PRDM16: variants seen among roughly 807,000 people sequenced by gnomAD.
The protein encoded by PRDM16 is PR/SET domain 16, also known as histone-lysine N-methyltransferase PRDM16.
In PRDM16, 23 loss-of-function variants were observed where a neutral mutation model predicts 110.6. That is an observed-to-expected ratio of 0.21 (90% confidence interval 0.15 to 0.29). The LOEUF (loss-of-function observed/expected upper bound fraction) is 0.29. Ranked by LOEUF, PRDM16 falls within the 10% of genes least tolerant of loss-of-function variation. The pLI, the probability that PRDM16 is intolerant of heterozygous loss-of-function variation, is 1.00. For synonymous variants in PRDM16, 799 were observed against 781.8 expected, an observed-to-expected ratio of 1.02 and a Z score of -0.37; for missense variants, 1,615 against 1,794.3, an observed-to-expected ratio of 0.90 and a Z score of 1.81.
chr1:3,385,114 G>C, intron 3 of PRDM16, 38 bp from the exon 4 acceptor site: 1 of 1,611,978 alleles, frequency 6.2e-7, no homozygotes, highest in Non-Finnish European at 8.5e-7. Context: ...CCAGCACACA[G>C]GGCACCTCTG....
chr1:3,422,344 TAGAC>T (rs1460074792), intron 12 of PRDM16, among the ~76,000 whole-genome samples: 8 of 147,364 alleles, frequency 5.4e-5, no homozygotes, highest in East Asian at 2.1e-4. Flanking sequence ...GGAAGGCAGA[TAGAC>T]AGACTGGCAA....
intron 3 of PRDM16, among the ~76,000 whole-genome samples, chr1:3,277,767 G>A (rs12097607): frequency 0.016 from 2,147 of 136,938 alleles, 40 homozygotes; most frequent in African/African-American, 0.064. Flanking sequence ...GCACACACGC[G>A]CACACACACG....
chr1:3,143,355 C>T lies in PRDM16; in HGVS notation c.38-42770C>T, dbSNP rs907753648. Among the ~76,000 whole-genome samples the T allele has an allele frequency of 6.6e-6, 1 of 152,228 alleles. No individual in the cohort carries two copies. Among genetic ancestry groups the T allele is most frequent in the Admixed American group, 6.5e-5 (1 of 15,290 alleles). ...GACCCTCAGGCAGTAGGGCTCCAAG[C>T]ACCAGCCCCTCGCCCCAGTCCCAGC... On this transcript the variant is annotated intron_variant, in intron 1 of 16. Transcript: ENST00000270722. The surrounding 1 kb of genome is among the most constrained non-coding windows in gnomAD (Gnocchi z 4.5).
intron 1 of PRDM16, among the ~76,000 whole-genome samples, chr1:3,160,128 C>G (rs1243159654): frequency 3.3e-5 from 5 of 152,230 alleles, no homozygotes; most frequent in Non-Finnish European, 7.3e-5. Context: ...TTCTGAGCTC[C>G]CGCAGCCAGA....
intron 3 of PRDM16, among the ~76,000 whole-genome samples, chr1:3,330,275 A>G (rs60965469): frequency 0.1 from 15,800 of 152,276 alleles, 1,041 homozygotes; most frequent in East Asian, 0.31. Flanking sequence ...TGGCTGGCAG[A>G]CAGAGCAGGA....
chr1:3,400,980 T>G (rs1488298438), intron 5 of PRDM16, among the ~76,000 whole-genome samples: 1 of 151,900 alleles, frequency 6.6e-6, no homozygotes, highest in Non-Finnish European at 1.5e-5. Flanking sequence ...AAGGGGTGGG[T>G]GGGTGCGTGC....
At chr1:3,335,178 C>T (rs1056528127) in intron 3 of PRDM16, among the ~76,000 whole-genome samples, 2 of 152,246 alleles carry the variant, frequency 1.3e-5, no homozygotes, top group Non-Finnish European at 2.9e-5. Context: ...CTGCCCTGCA[C>T]AGCCCCAGCG....
intron 1 of PRDM16, among the ~76,000 whole-genome samples, chr1:3,070,861 C>G (rs1570191856): frequency 1.3e-5 from 2 of 152,236 alleles, no homozygotes; most frequent in East Asian, 1.9e-4. Flanking sequence ...GTTCCCGGCC[C>G]CTGGGTGAGG....
intron 10 of PRDM16, 109 bp from the exon 11 acceptor site, chr1:3,417,719 C>A: frequency 1.1e-6 from 1 of 942,898 alleles, no homozygotes; most frequent in Non-Finnish European, 1.7e-6. Context: ...TTCCAGTGCC[C>A]ACCTGAGCAC....
At chr1:3,318,793 A>G (rs1167941024) in intron 3 of PRDM16, among the ~76,000 whole-genome samples, 1 of 152,222 alleles carries the variant, frequency 6.6e-6, no homozygotes, top group Non-Finnish European at 1.5e-5. Flanking sequence ...AGGCATGCCA[A>G]AAAGGAGGGC....
At chr1:3,272,021 G>T (rs1015577662) in intron 3 of PRDM16, among the ~76,000 whole-genome samples, 3 of 152,196 alleles carry the variant, frequency 2.0e-5, no homozygotes, top group Admixed American at 6.5e-5. Flanking sequence ...TGTCTACCAG[G>T]GGCTGCCTGG....
intron 2 of PRDM16, among the ~76,000 whole-genome samples, chr1:3,236,623 C>T (rs78983274): frequency 0.018 from 2,752 of 152,300 alleles, 86 homozygotes; most frequent in African/African-American, 0.063. Context: ...TATCTTCAGG[C>T]TTCCCTGGGA....
chr1:3,260,328 T>G (rs944961350), intron 3 of PRDM16, among the ~76,000 whole-genome samples: 5 of 152,056 alleles, frequency 3.3e-5, no homozygotes, highest in African/African-American at 1.2e-4. Flanking sequence ...CGAGCCCCCA[T>G]GAGGGTCTGT....
At chr1:3,118,215 A>ACACACACGTG (rs1007732926) in intron 1 of PRDM16, among the ~76,000 whole-genome samples, 5 of 151,818 alleles carry the variant, frequency 3.3e-5, no homozygotes, top group Non-Finnish European at 1.5e-5. Context: ...ACACACGCAC[A>ACACACACGTG]CACACACGTG....
intron 1 of PRDM16, among the ~76,000 whole-genome samples, chr1:3,182,634 G>A (rs770573779): frequency 6.6e-6 from 1 of 152,146 alleles, no homozygotes; most frequent in Non-Finnish European, 1.5e-5. Flanking sequence ...GGGGCAATGC[G>A]AGGGGCAGAG....
At chr1:3,289,664 G>A (rs747185446) in intron 3 of PRDM16, among the ~76,000 whole-genome samples, 4 of 152,202 alleles carry the variant, frequency 2.6e-5, no homozygotes, top group African/African-American at 4.8e-5. Flanking sequence ...TGGCAGAAGC[G>A]AGGATGGCCT....
chr1:3,217,381 G>A (rs562372219), intron 2 of PRDM16, among the ~76,000 whole-genome samples: 3 of 152,208 alleles, frequency 2.0e-5, no homozygotes, highest in South Asian at 4.1e-4. Flanking sequence ...AGCTCTTCTC[G>A]GCTTATTTGG....
intron 1 of PRDM16, among the ~76,000 whole-genome samples, chr1:3,130,906 C>T (rs1643321695): frequency 6.6e-6 from 1 of 152,120 alleles, no homozygotes; most frequent in South Asian, 2.1e-4. Context: ...AACGCAGCCG[C>T]TTCCTTCTGC....
In PRDM16 at chr1:3,290,500, A is replaced by G. The variant is rs1640948732; in HGVS notation, c.438+46363A>G. 1.3e-5 allele frequency among the ~76,000 whole-genome samples: 2 copies of G among 152,152 alleles called. No homozygotes were observed. Among genetic ancestry groups the G allele is most frequent in the Non-Finnish European group, 2.9e-5 (2 of 68,024 alleles). On this transcript the variant is annotated intron_variant, in intron 3 of 16. Transcript: ENST00000270722. This position sits in a 1 kb window ranked among gnomAD's most constrained non-coding sequence, Gnocchi z 4.8. ...CTGTGTCCTAGCATTTCTGAGCTCA[A>G]AGGAACCTGTGTCTGGCCAGCCCCT...
Sources: gnomAD v4.1 joint callset for allele counts (sites outside exome capture counted in the v4.1 genomes callset) on GRCh38, gnomAD v4.1.1 for gene constraint, Gnocchi (gnomAD v3.1) non-coding constraint, MANE v1.5 for transcripts, NCBI Gene and HGNC (gene_info 2026-07-23, HGNC 2026-07-21) for gene names.